Variants in HECW2 observed in about 807,000 individuals in gnomAD.
The protein encoded by HECW2 is HECT, C2 and WW domain containing E3 ubiquitin protein ligase 2.
HECW2 carries 61 observed loss-of-function variants against 175.2 expected under a neutral mutation model. The ratio of observed to expected loss-of-function variants is 0.35; its 90% CI spans 0.28 to 0.43. The LOEUF (loss-of-function observed/expected upper bound fraction) is 0.43. Among genes scored for constraint, HECW2 ranks in the 20% least tolerant of loss-of-function variants. HECW2 has a pLI of 1.00. For missense variants in HECW2, 1,524 were observed against 2,000.5 expected (o/e 0.76, Z 4.54); for synonymous variants, 671 against 731.0 (o/e 0.92, Z 1.32).
chr2:196,504,564 G>C (rs1687690075), intron 1 of HECW2, among the ~76,000 whole-genome samples: 1 of 152,092 alleles, frequency 6.6e-6, no homozygotes, highest in Non-Finnish European at 1.5e-5. Flanking sequence ...TGGTATTTAA[G>C]GAAATGCTAA....
chr2:196,279,191 G>C (rs1276143078), intron 14 of HECW2, among the ~76,000 whole-genome samples: 1 of 152,066 alleles, frequency 6.6e-6, no homozygotes, highest in Non-Finnish European at 1.5e-5. Context: ...TGGGACTACA[G>C]GCGCCCACCA....
intron 2 of HECW2, among the ~76,000 whole-genome samples, chr2:196,347,093 C>T (rs1692984359): frequency 1.3e-5 from 2 of 151,070 alleles, no homozygotes; most frequent in South Asian, 4.2e-4. Context: ...CATTCTGTCA[C>T]CCAGGCTGGA....
chr2:196,459,060 G>A (rs183700170), intron 1 of HECW2, among the ~76,000 whole-genome samples: 3 of 152,312 alleles, frequency 2.0e-5, no homozygotes, highest in Admixed American at 6.5e-5. Context: ...CCAGCTGGGA[G>A]AGATAATGCT....
At chr2:196,541,829 T>G (rs1689226327) in intron 1 of HECW2, among the ~76,000 whole-genome samples, 1 of 152,244 alleles carries the variant, frequency 6.6e-6, no homozygotes, top group South Asian at 2.1e-4. Flanking sequence ...CCTGAAGATT[T>G]TTTCAGAAAA....
intron 19 of HECW2, among the ~76,000 whole-genome samples, chr2:196,251,945 T>TA (rs1434638613): frequency 3.3e-5 from 5 of 152,058 alleles, no homozygotes; most frequent in Non-Finnish European, 7.4e-5. Context: ...ACACCTGTAA[T>TA]ACCAGCACTT....
intron 18 of HECW2, among the ~76,000 whole-genome samples, chr2:196,255,871 T>A (rs4850692): frequency 5.9e-5 from 9 of 152,090 alleles, no homozygotes; most frequent in Admixed American, 5.2e-4. Flanking sequence ...TCAGGAGTTC[T>A]TGTCCAGCCT....
chr2:196,294,289 T>C (rs915044030), intron 13 of HECW2, among the ~76,000 whole-genome samples: 3 of 152,210 alleles, frequency 2.0e-5, no homozygotes, highest in African/African-American at 7.2e-5. Flanking sequence ...GGCAGCTGTT[T>C]CCTTGAATCA....
chr2:196,422,498 A>G lies in HECW2; in HGVS notation c.292+10634T>C, dbSNP rs1336279892. The stretch of plus-strand genomic sequence containing the variant: ...ATGATAAAATGGTTGAGCCTTTAAT[A>G]ATCTAATATGGAAAAAATAAAGAAG... On this transcript the variant is annotated intron_variant, in intron 2 of 28. Coordinates refer to ENST00000644978, the MANE Select transcript of HECW2 (RefSeq NM_001348768.2). Among the ~76,000 whole-genome samples, 3 of 152,234 alleles carry G rather than the reference A, an allele frequency of 2.0e-5. No homozygotes were observed. The South Asian group carries it at 6.2e-4, about 32-fold the overall frequency.
rs199831021 is a variant in HECW2, at chr2:196,324,962, C to T, written c.741+18G>A. The T allele has an allele frequency of 6.5e-7, 1 of 1,540,694 alleles. No homozygotes were observed. Among genetic ancestry groups the T allele is most frequent in the South Asian group, 1.3e-5 (1 of 78,856 alleles). On this transcript the variant is annotated intron_variant, in intron 6 of 28. Transcript: ENST00000644978. ...ACTTCCTCACCATCAAGTAGGAGAC[C>T]CCCGAGGATCATCTTACCTCTCGGT...
At chr2:196,219,584 C>T (rs934677726) in intron 26 of HECW2, among the ~76,000 whole-genome samples, 7 of 152,162 alleles carry the variant, frequency 4.6e-5, no homozygotes, top group Admixed American at 4.6e-4. Flanking sequence ...TGTCTTATTC[C>T]ATTCAAGTGT....
intron 1 of HECW2, among the ~76,000 whole-genome samples, chr2:196,469,377 G>C (rs1297723941): frequency 6.6e-6 from 1 of 152,082 alleles, no homozygotes; most frequent in Non-Finnish European, 1.5e-5. Flanking sequence ...CTTTGGCAGA[G>C]GGGCTACCTC....
At chr2:196,458,065 T>G (rs1208225265) in intron 1 of HECW2, among the ~76,000 whole-genome samples, 1 of 151,618 alleles carries the variant, frequency 6.6e-6, no homozygotes, top group African/African-American at 2.4e-5. Context: ...AGCCCAGGAG[T>G]TCGAGACCAG....
intron 1 of HECW2, among the ~76,000 whole-genome samples, chr2:196,474,415 G>A (rs1697336956): frequency 6.6e-6 from 1 of 152,168 alleles, no homozygotes; most frequent in South Asian, 2.1e-4. Context: ...AATATCATTA[G>A]TCATAAATTG....
chr2:196,295,133 G>A (rs13395985), intron 13 of HECW2, among the ~76,000 whole-genome samples: 4,139 of 152,244 alleles, frequency 0.027, 197 homozygotes, highest in African/African-American at 0.093. Context: ...CTAAATAAGA[G>A]GAGGTTTTGA....
chr2:196,242,155 G>A lies in HECW2; in HGVS notation c.3579C>T (p.Phe1193=), dbSNP rs146564746. The A allele has an allele frequency of 3.8e-4, 618 of 1,614,068 alleles. 1 individual carries two copies. The highest frequency in any genetic ancestry group is 4.3e-4 in the Admixed American group (26 of 60,022). The change falls in exon 20 of 29, where the codon TTC becomes TTT. Residue 1193 remains phenylalanine (F), a synonymous_variant. Transcript: ENST00000644978. ...TGTAAAAGTTCCTCAGTTTGGCTTC[G>A]AAATCCCGCTTGTAAGGGGCTGGAG... ...ARAPAPYKRD[F]EAKLRNFYRK...
At chr2:196,489,997 TG>T (rs1360724010) in intron 1 of HECW2, among the ~76,000 whole-genome samples, 15 of 152,176 alleles carry the variant, frequency 9.9e-5, no homozygotes, top group African/African-American at 3.6e-4. Context: ...TCCTCCATAC[TG>T]CATAATGTCC....
At chr2:196,439,180 T>C (rs1298604689) in intron 1 of HECW2, among the ~76,000 whole-genome samples, 1 of 152,212 alleles carries the variant, frequency 6.6e-6, no homozygotes, top group Non-Finnish European at 1.5e-5. Flanking sequence ...AAGTGTTCAA[T>C]AAAAAGTAGC....
In HECW2 at chr2:196,319,739, T is replaced by C. The variant is rs745803450; in HGVS notation, c.1151A>G (p.His384Arg). Residue 384 changes from histidine (H) to arginine (R), a missense_variant, in exon 9 of 29, where the codon CAT (histidine) becomes CGT (arginine). Physicochemically the swap from His to Arg is conservative, Grantham distance 29. Coordinates refer to ENST00000644978, the MANE Select transcript of HECW2 (RefSeq NM_001348768.2). ...EDSAADGTPK[H>R]SFRTSSTLEI... ...CAGAGTGGAGCTAGTCCTGAATGAA[T>C]GCTTGGGGGTTCCATCGGCAGCACT... 1.2e-5 allele frequency: 19 copies of C among 1,614,182 alleles called. No individual in the cohort carries two copies. In the South Asian group the frequency reaches 2.0e-4, roughly 17 times the overall value.
chr2:196,301,348 G>A (rs1201118333), intron 13 of HECW2, among the ~76,000 whole-genome samples: 1 of 152,034 alleles, frequency 6.6e-6, no homozygotes, highest in Non-Finnish European at 1.5e-5. Context: ...ACATGTTCAC[G>A]TATCTTTATA....
Sources: gnomAD v4.1 joint callset for allele counts (sites outside exome capture counted in the v4.1 genomes callset) on GRCh38, gnomAD v4.1.1 for gene constraint, MANE v1.5 for transcripts, NCBI Gene and HGNC (gene_info 2026-07-23, HGNC 2026-07-21) for gene names.